Variants in SCAPER observed in about 807,000 individuals in gnomAD.
SCAPER encodes the protein S-phase cyclin A associated protein in the ER.
A neutral mutation model predicts 182.2 loss-of-function variants in SCAPER; 98 were observed. The ratio of observed to expected loss-of-function variants is 0.54; its 90% confidence interval spans 0.46 to 0.64. The LOEUF (loss-of-function observed/expected upper bound fraction) is 0.64, where lower values mean the gene tolerates loss of function less well. Among genes scored for constraint, SCAPER ranks in the 30% least tolerant of loss-of-function variants. The pLI, the probability that SCAPER is intolerant of heterozygous loss-of-function variation, is 0.00. For missense variants in SCAPER, 1,432 were observed against 1,690.0 expected (o/e 0.85, Z 2.68); for synonymous variants, 605 against 564.6 (o/e 1.07, Z -1.01).
At chr15:76,683,336 CTCAG>C (rs1347251203) in intron 20 of SCAPER, among the ~76,000 whole-genome samples, 1 of 152,068 alleles carries the variant, frequency 6.6e-6, no homozygotes, top group Non-Finnish European at 1.5e-5. Context: ...TCCGAATTAA[CTCAG>C]TCAAACAAAA....
intron 24 of SCAPER, among the ~76,000 whole-genome samples, chr15:76,503,264 T>C (rs2041302139): frequency 6.6e-6 from 1 of 152,152 alleles, no homozygotes; most frequent in African/African-American, 2.4e-5. Flanking sequence ...TAAGTGAAGA[T>C]AACCTGCCCA....
At chr15:76,445,495 G>A (rs2039194946) in intron 25 of SCAPER, among the ~76,000 whole-genome samples, 1 of 152,170 alleles carries the variant, frequency 6.6e-6, no homozygotes, top group Non-Finnish European at 1.5e-5. Flanking sequence ...GGGGCAGGGA[G>A]TGTCACCTCA....
At chr15:76,689,015 A>AT (rs2058198904) in intron 20 of SCAPER, among the ~76,000 whole-genome samples, 1 of 151,590 alleles carries the variant, frequency 6.6e-6, no homozygotes, top group Non-Finnish European at 1.5e-5. Flanking sequence ...CGGCCAGCTA[A>AT]TTTTTTGTAT....
intron 24 of SCAPER, among the ~76,000 whole-genome samples, chr15:76,493,462 C>A (rs2052530173): frequency 6.6e-6 from 1 of 152,052 alleles, no homozygotes; most frequent in South Asian, 2.1e-4. Context: ...ATTTTAAACA[C>A]CAATCTAATT....
chr15:76,359,202 C>T (rs1235980512), intron 29 of SCAPER, among the ~76,000 whole-genome samples: 1 of 152,152 alleles, frequency 6.6e-6, no homozygotes, highest in East Asian at 1.9e-4. Flanking sequence ...TCATCTTGCC[C>T]CCCTCCCCAT....
At chr15:76,608,799 C>G (rs1269683519) in intron 22 of SCAPER, among the ~76,000 whole-genome samples, 1 of 152,192 alleles carries the variant, frequency 6.6e-6, no homozygotes, top group Non-Finnish European at 1.5e-5. Context: ...GAGTGAGACT[C>G]CGTTGGGGTA....
At chr15:76,643,868 C>CTTGG (rs2054315011) in intron 21 of SCAPER, among the ~76,000 whole-genome samples, 4 of 152,084 alleles carry the variant, frequency 2.6e-5, no homozygotes, top group African/African-American at 4.8e-5. Flanking sequence ...GATTCCTCCC[C>CTTGG]TAAAACCAAG....
intron 5 of SCAPER, among the ~76,000 whole-genome samples, chr15:76,814,596 T>C (rs2066919376): frequency 1.3e-5 from 2 of 152,096 alleles, no homozygotes; most frequent in Non-Finnish European, 1.5e-5. Flanking sequence ...TCTTACACCA[T>C]ACGCAAAAAT....
chr15:76,680,898 A>AGAC (rs2057665443), intron 20 of SCAPER, among the ~76,000 whole-genome samples: 1 of 152,214 alleles, frequency 6.6e-6, no homozygotes, highest in South Asian at 2.1e-4. Flanking sequence ...GCAACACAAA[A>AGAC]ACATACTAAG....
At chr15:76,489,336 T>C (rs907906441) in intron 24 of SCAPER, among the ~76,000 whole-genome samples, 6 of 151,250 alleles carry the variant, frequency 4.0e-5, no homozygotes, top group African/African-American at 9.7e-5. Context: ...CAATTAACAT[T>C]AGCCCTTTTC....
intron 20 of SCAPER, among the ~76,000 whole-genome samples, chr15:76,701,381 CA>C (rs35742042): frequency 0.27 from 41,487 of 151,846 alleles, 6,438 homozygotes; most frequent in East Asian, 0.55. Context: ...AATGAATTTC[CA>C]AAAGCTTCTA....
intron 29 of SCAPER, among the ~76,000 whole-genome samples, chr15:76,370,055 C>T (rs1210085762): frequency 1.3e-5 from 2 of 152,092 alleles, no homozygotes; most frequent in Non-Finnish European, 2.9e-5. Context: ...AGTAGGCAGG[C>T]AGCTCATTAA....
chr15:76,581,337 C>T (rs1290741147), intron 22 of SCAPER, among the ~76,000 whole-genome samples: 1 of 151,988 alleles, frequency 6.6e-6, no homozygotes, highest in Non-Finnish European at 1.5e-5. Flanking sequence ...ATCCTGATAC[C>T]AAAACCAGAC....
intron 4 of SCAPER, among the ~76,000 whole-genome samples, chr15:76,852,602 T>C (rs943380644): frequency 4.6e-5 from 7 of 152,074 alleles, no homozygotes; most frequent in African/African-American, 9.7e-5. Flanking sequence ...GAGTAAATAA[T>C]GAAATGAAGA....
chr15:76,888,266 T>G (rs970641934), intron 1 of SCAPER, among the ~76,000 whole-genome samples: 20 of 152,338 alleles, frequency 1.3e-4, no homozygotes, highest in Non-Finnish European at 2.8e-4. Flanking sequence ...CCAGAGTGCT[T>G]CTTCTCCTTC....
chr15:76,431,861 A>G (rs2046893068), intron 26 of SCAPER, among the ~76,000 whole-genome samples: 1 of 152,086 alleles, frequency 6.6e-6, no homozygotes, highest in South Asian at 2.1e-4. Context: ...TTGAAGCAGT[A>G]TGGTTGTCAA....
In SCAPER at chr15:76,472,851, C is replaced by T. The variant is rs549039690; in HGVS notation, c.2955-1516G>A. ...TCTGAGACATGTAGCCACCTTGGCA[C>T]AAATCCCTTGTGGTATGAAATAACA... On this transcript the variant is annotated intron_variant, in intron 24 of 31. Coordinates refer to ENST00000563290, the MANE Select transcript of SCAPER (RefSeq NM_020843.4). Among the ~76,000 whole-genome samples, 7 of 152,262 alleles carry T rather than the reference C, an allele frequency of 4.6e-5. 1 individual carries two copies. The highest frequency in any genetic ancestry group is 1.7e-4 in the African/African-American group (7 of 41,558).
At chr15:76,590,530 C>CA (rs1282231641) in intron 22 of SCAPER, among the ~76,000 whole-genome samples, 3 of 151,602 alleles carry the variant, frequency 2.0e-5, no homozygotes, top group African/African-American at 7.3e-5. Flanking sequence ...ATTAAAAAGA[C>CA]AAAAAAACAG....
chr15:76,827,749 G>A (rs1283484604), intron 5 of SCAPER, among the ~76,000 whole-genome samples: 2 of 152,030 alleles, frequency 1.3e-5, no homozygotes, highest in African/African-American at 4.8e-5. Context: ...GAAAAATGGT[G>A]GTTCCATCAA....
Sources: allele counts gnomAD v4.1 joint callset (sites outside exome capture counted in the v4.1 genomes callset), GRCh38; gene constraint gnomAD v4.1.1; transcripts MANE v1.5; gene names NCBI Gene and HGNC (gene_info 2026-07-23, HGNC 2026-07-21).